Variants in TMEM128 observed in about 807,000 individuals in gnomAD.
TMEM128 encodes the protein transmembrane protein 128.
A neutral mutation model predicts 19.7 loss-of-function variants in TMEM128; 16 were observed. The ratio of observed to expected loss-of-function variants is 0.81; its 90% CI spans 0.55 to 1.23. The LOEUF (loss-of-function observed/expected upper bound fraction) is 1.23, where lower values mean the gene tolerates loss of function less well. TMEM128 is among the 50% of genes most tolerant of loss of function. The pLI is 0.00. For synonymous variants in TMEM128, 98 were observed against 75.8 expected (o/e 1.29, Z -1.52); for missense variants, 237 against 200.8 (o/e 1.18, Z -1.09).
Position 4,246,905 on chromosome 4 carries a change from G to A in TMEM128, c.98-562C>T, listed in dbSNP as rs1367346814. On this transcript the variant is annotated intron_variant, in intron 1 of 4. Transcript: ENST00000382753. ...TGGGATTACAGGCGCCTGCCACCACGCCGGGCTAATTTTTGTATTTTTAGT... is the reference window on the plus strand; with the variant it reads ...TGGGATTACAGGCGCCTGCCACCACACCGGGCTAATTTTTGTATTTTTAGT... Among the ~76,000 whole-genome samples the A allele has an allele frequency of 2.6e-5, 4 of 151,940 alleles. No individual in the cohort carries two copies. In the South Asian group the frequency reaches 8.3e-4, roughly 32 times the overall value.
At chr4:4,243,866 A>G (rs138482583) in intron 2 of TMEM128, among the ~76,000 whole-genome samples, 24 of 152,210 alleles carry the variant, frequency 1.6e-4, no homozygotes, top group African/African-American at 5.8e-4. Flanking sequence ...CCATTTCTCT[A>G]AACTACTAAA....
At chr4:4,247,757 A>C (rs2916465) in intron 1 of TMEM128, 596,006 of 1,524,018 alleles carry the variant, frequency 0.39, 118,244 homozygotes, top group African/African-American at 0.5. Flanking sequence ...AGATATTTCC[A>C]GTAATTCGCT....
chr4:4,247,824 G>C lies in TMEM128; in HGVS notation c.97+282C>G, dbSNP rs565093637. The C allele has an allele frequency of 4.9e-6, 7 of 1,426,146 alleles. No individual in the cohort carries two copies. The African/African-American group carries it at 7.2e-5, about 15-fold the overall frequency. 88.3% of individuals were successfully genotyped at this position (1,426,146 alleles called of 1,614,324 possible). On this transcript the variant is annotated intron_variant, in intron 1 of 4. Coordinates refer to ENST00000382753, the MANE Select transcript of TMEM128 (RefSeq NM_001297551.2). ...CACATCATTGTACACTGCGGTACAC[G>C]CATGTTTCTGGTAAATCCTTAAGAC...
intron 2 of TMEM128, among the ~76,000 whole-genome samples, chr4:4,240,697 C>G (rs1208115496): frequency 6.6e-6 from 1 of 152,194 alleles, no homozygotes; most frequent in Non-Finnish European, 1.5e-5. Flanking sequence ...AAAAGTAAGA[C>G]TTGAAATACA....
Position 4,240,394 on chromosome 4 carries a change from T to C in TMEM128, c.325A>G (p.Ile109Val), listed in dbSNP as rs1717903805. The change falls in exon 3 of 5, where the codon ATT becomes GTT. Residue 109 changes from isoleucine to valine, a missense_variant. Coordinates refer to ENST00000382753, the MANE Select transcript of TMEM128 (RefSeq NM_001297551.2). The part of the protein sequence containing the change: ...CIVYLEWYCG[I>V]GEYDVKYPAL... ...GGATACTTGACATCATATTCTCCAA[T>C]TCCACAATACCATTCCAGGTAGACT... The C allele has an allele frequency of 1.2e-6, 2 of 1,614,152 alleles. No individual in the cohort carries two copies. The highest frequency in any genetic ancestry group is 1.7e-6 in the Non-Finnish European group (2 of 1,179,998).
Position 4,246,304 on chromosome 4 carries a change from G to A in TMEM128, c.137C>T (p.Pro46Leu). 6 of 1,612,170 alleles carry A rather than the reference G, an allele frequency of 3.7e-6. No homozygotes were observed. In the East Asian group the frequency reaches 1.3e-4, roughly 36 times the overall value. The change falls in exon 2 of 5, where the codon CCA (proline) becomes CTA (leucine). Residue 46 changes from proline to leucine, a missense_variant. By Grantham distance (98) the Pro-to-Leu change is moderately conservative. Coordinates refer to ENST00000382753, the MANE Select transcript of TMEM128 (RefSeq NM_001297551.2). ...TAVEKKEKPLPRLNIHSGFWI... is the reference protein window; with the variant it reads ...TAVEKKEKPLLRLNIHSGFWI... ...GAATCCAGAATGGATATTAAGTCTT[G>A]GAAGAGGTTTCTCCTTTTTCTCAAC...
chr4:4,237,823 T>C lies in TMEM128; in HGVS notation c.*9+4A>G. Reference sequence around the variant, plus strand: ...TTTTAGAAAAACCACTCCAGATATCTTACCTTCGGAAATCATCCAAGGAGT... The same window carrying C: ...TTTTAGAAAAACCACTCCAGATATCCTACCTTCGGAAATCATCCAAGGAGT... On this transcript the variant is annotated splice_donor_region_variant and intron_variant, in intron 4 of 4. Coordinates refer to ENST00000382753, the MANE Select transcript of TMEM128 (RefSeq NM_001297551.2). 1 of 1,603,904 alleles carries C rather than the reference T, an allele frequency of 6.2e-7. No homozygotes were observed. The highest frequency in any genetic ancestry group is 1.1e-5 in the South Asian group (1 of 90,538).
intron 2 of TMEM128, among the ~76,000 whole-genome samples, chr4:4,245,307 T>C (rs534993501): frequency 1.1e-4 from 17 of 152,302 alleles, no homozygotes; most frequent in African/African-American, 4.1e-4. Flanking sequence ...TCTCAGTCCC[T>C]GTGAATGAGG....
At chr4:4,240,724 C>T (rs1717919882) in intron 2 of TMEM128, among the ~76,000 whole-genome samples, 1 of 152,162 alleles carries the variant, frequency 6.6e-6, no homozygotes, top group Non-Finnish European at 1.5e-5. Context: ...TATATATACA[C>T]TCTCATCAGC....
intron 4 of TMEM128, chr4:4,237,075 G>C: frequency 2.2e-6 from 1 of 455,780 alleles, no homozygotes; most frequent in Non-Finnish European, 4.4e-6. Context: ...AGGATGGGGT[G>C]ATCTGTAGGG....
chr4:4,240,346 C>T lies in TMEM128; in HGVS notation c.373G>A (p.Ala125Thr). ...CAAATTCCTGCTGCAATAAAGGAGG[C>T]AGTGGTAATGGGTATCAAGGCTGGA... is the stretch of plus-strand genomic sequence containing the variant. ...KYPALIPITT[A>T]SFIAAGICFN... The change falls in exon 3 of 5, where the codon GCC (alanine) becomes ACC (threonine). Residue 125 changes from alanine (A) to threonine (T), a missense_variant. By Grantham distance (58) the Ala-to-Thr change is moderately conservative. Transcript: ENST00000382753. The T allele has an allele frequency of 6.2e-7, 1 of 1,613,850 alleles. No individual in the cohort carries two copies. Among genetic ancestry groups the T allele is most frequent in the Non-Finnish European group, 8.5e-7 (1 of 1,179,906 alleles).
intron 2 of TMEM128, among the ~76,000 whole-genome samples, chr4:4,242,450 T>TAGGGG: frequency 6.6e-6 from 1 of 151,922 alleles, no homozygotes; most frequent in African/African-American, 2.4e-5. Flanking sequence ...AAAAAGGCCT[T>TAGGGG]TTATCATTAC....
chr4:4,246,313 T>G lies in TMEM128; in HGVS notation c.128A>C (p.Lys43Thr). ...ATGGATATTAAGTCTTGGAAGAGGT[T>G]TCTCCTTTTTCTCAACAGCTGTGGA... ...ETSTAVEKKE[K>T]PLPRLNIHSG... The change falls in exon 2 of 5, where the codon AAA becomes ACA. Residue 43 changes from lysine (K) to threonine (T), a missense_variant. By Grantham distance (78) the Lys-to-Thr change is moderately conservative. Transcript: ENST00000382753. The G allele has an allele frequency of 6.2e-7, 1 of 1,610,864 alleles. No homozygotes were observed. Among genetic ancestry groups the G allele is most frequent in the Non-Finnish European group, 8.5e-7 (1 of 1,179,098 alleles).
At chr4:4,239,122 G>T (rs1175854879) in intron 3 of TMEM128, among the ~76,000 whole-genome samples, 1 of 152,138 alleles carries the variant, frequency 6.6e-6, no homozygotes, top group Non-Finnish European at 1.5e-5. Context: ...TTTCTTTCTG[G>T]TTGAATCATA....
In TMEM128 at chr4:4,244,269, A is replaced by T. The variant is rs58642163; in HGVS notation, c.239+1933T>A. 5.3e-3 allele frequency among the ~76,000 whole-genome samples: 804 copies of T among 152,208 alleles called. 5 individuals are homozygous for T. Among genetic ancestry groups the T allele is most frequent in the African/African-American group, 0.019 (779 of 41,530 alleles). On this transcript the variant is annotated intron_variant, in intron 2 of 4. Transcript: ENST00000382753. ...GGTGGGAGGATCACTGGAGCCCACAAGTTTGAGACCAGCCTGGGCAACATG... is the reference window on the plus strand; with the variant it reads ...GGTGGGAGGATCACTGGAGCCCACATGTTTGAGACCAGCCTGGGCAACATG...
rs13135886 is a variant in TMEM128 at position 4,246,211 on chromosome 4, T to C, written c.230A>G (p.His77Arg). 13,514 of 1,593,406 alleles carry C rather than the reference T, an allele frequency of 8.5e-3. 73 individuals carry two copies. The highest frequency in any genetic ancestry group is 1.0e-2 in the Non-Finnish European group (11,735 of 1,173,798). Residue 77 changes from histidine to arginine, a missense_variant, in exon 2 of 5, where the codon CAC (histidine) becomes CGC (arginine). Coordinates refer to ENST00000382753, the MANE Select transcript of TMEM128 (RefSeq NM_001297551.2). ...DFFKTLKENF[H>R]TSSWFLCGSA... is the part of the protein sequence containing the mutation. ...AATAAAATTTTCTTACCTGCTAGTGTGGAAGTTTTCTTTAAGGGTTTTAAA... is the reference window on the plus strand; with the variant it reads ...AATAAAATTTTCTTACCTGCTAGTGCGGAAGTTTTCTTTAAGGGTTTTAAA...
chr4:4,245,692 T>C (rs1052301325), intron 2 of TMEM128, among the ~76,000 whole-genome samples: 3 of 152,198 alleles, frequency 2.0e-5, no homozygotes, highest in Non-Finnish European at 4.4e-5. Flanking sequence ...TCCAGCTTTA[T>C]TGAAGTACAA....
chr4:4,248,096 C>G lies in TMEM128; in HGVS notation c.97+10G>C. ...CTGAGAACCTCGGGGCGGCTTGGTG[C>G]GCGCCTCACCCGGCCCGGCGTCACC... is the stretch of plus-strand genomic sequence containing the variant. On this transcript the variant is annotated intron_variant, in intron 1 of 4. Coordinates refer to ENST00000382753, the MANE Select transcript of TMEM128 (RefSeq NM_001297551.2). 1.3e-6 allele frequency: 2 copies of G among 1,535,040 alleles called. No individual in the cohort carries two copies. The highest frequency in any genetic ancestry group is 1.7e-6 in the Non-Finnish European group (2 of 1,144,014).
At position 4,240,364 on chromosome 4, in the gene TMEM128, A is replaced by G; in HGVS notation, c.355T>C (p.Leu119=). 1 of 1,614,192 alleles carries G rather than the reference A, an allele frequency of 6.2e-7. No homozygotes were observed. The highest frequency in any genetic ancestry group is 8.5e-7 in the Non-Finnish European group (1 of 1,180,028). ...AAGGAGGCAGTGGTAATGGGTATCA[A>G]GGCTGGATACTTGACATCATATTCT... is the stretch of plus-strand genomic sequence containing the variant. ...IGEYDVKYPA[L]IPITTASFIA... Residue 119 remains leucine (L), a synonymous_variant, in exon 3 of 5, where the codon TTG becomes CTG. Coordinates refer to ENST00000382753, the MANE Select transcript of TMEM128 (RefSeq NM_001297551.2).
Sources: gnomAD v4.1 joint callset for allele counts (sites outside exome capture counted in the v4.1 genomes callset) on GRCh38, gnomAD v4.1.1 for gene constraint, MANE v1.5 for transcripts, NCBI Gene and HGNC (gene_info 2026-07-23, HGNC 2026-07-21) for gene names.